Variants in PTPRD observed in about 807,000 individuals in gnomAD.
PTPRD encodes the protein receptor-type tyrosine-protein phosphatase delta.
Under a neutral mutation model 214.5 loss-of-function variants are expected in PTPRD, and 34 were observed. The ratio of observed to expected loss-of-function variants is 0.16; its 90% CI spans 0.12 to 0.21. PTPRD has a LOEUF of 0.21. Among genes scored for constraint, PTPRD ranks in the 10% least tolerant of loss-of-function variants. PTPRD has a pLI of 1.00. For synonymous variants in PTPRD, 1,128 were observed against 845.7 expected (o/e 1.33, Z -5.79); for missense variants, 2,545 against 2,398.7 (o/e 1.06, Z -1.27).
At chr9:9,415,260 G>C (rs574647242) in intron 8 of PTPRD, among the ~76,000 whole-genome samples, 41 of 152,200 alleles carry the variant, frequency 2.7e-4, no homozygotes, top group South Asian at 1.7e-3. Context: ...CAGATCTCGA[G>C]GCTAGGAGTT....
intron 2 of PTPRD, among the ~76,000 whole-genome samples, chr9:10,405,305 T>A (rs1430829169): frequency 6.6e-6 from 1 of 151,690 alleles, no homozygotes; most frequent in Non-Finnish European, 1.5e-5. Flanking sequence ...AACAAGTAAG[T>A]TTTTCGTTTA....
At chr9:10,484,260 G>C (rs2784618) in intron 2 of PTPRD, among the ~76,000 whole-genome samples, 44,320 of 151,890 alleles carry the variant, frequency 0.29, 7,732 homozygotes, top group African/African-American at 0.48. Context: ...CACGAGGTCA[G>C]ACAGAGTAGT....
chr9:9,001,333 C>T lies in PTPRD; in HGVS notation c.-104+17364G>A, dbSNP rs568213245. Among the ~76,000 whole-genome samples the T allele has an allele frequency of 7.9e-5, 12 of 152,086 alleles. No homozygotes were observed. The South Asian group carries it at 1.9e-3, about 24-fold the overall frequency. ...CATTTGTGAATTAAATATTACTTTT[C>T]GTCTTGTATGGATCAGGGAACCAAG... is the stretch of plus-strand genomic sequence containing the variant. On this transcript the variant is annotated intron_variant, in intron 11 of 45. Coordinates refer to ENST00000381196, the MANE Select transcript of PTPRD (RefSeq NM_002839.4).
In PTPRD at chr9:9,803,545, A is replaced by C. The variant is rs542399547; in HGVS notation, c.-367-36694T>G. Among the ~76,000 whole-genome samples, 40 of 152,092 alleles carry C rather than the reference A, an allele frequency of 2.6e-4. No homozygotes were observed. In the South Asian group the frequency reaches 7.9e-3, roughly 30 times the overall value. On this transcript the variant is annotated intron_variant, in intron 5 of 45. Transcript: ENST00000381196. ...ATGATGAGCATCCCAAATAGATAAAACTTCATGGCCAGCAGAGTTAGTACT... is the reference window on the plus strand; with the variant it reads ...ATGATGAGCATCCCAAATAGATAAACCTTCATGGCCAGCAGAGTTAGTACT...
chr9:10,388,248 G>A (rs1025871932), intron 2 of PTPRD, among the ~76,000 whole-genome samples: 1 of 151,770 alleles, frequency 6.6e-6, no homozygotes, highest in Admixed American at 6.6e-5. Context: ...GTGATTCAAA[G>A]ATATTAGCTT....
rs2094403181 is a variant in PTPRD at position 8,422,098 on chromosome 9, G to A, written c.4086+14494C>T. 2.4e-5 allele frequency among the ~76,000 whole-genome samples: 3 copies of A among 123,290 alleles called. No homozygotes were observed. The Admixed American group carries it at 3.1e-4, about 13-fold the overall frequency. 80.9% of individuals were successfully genotyped at this position (123,290 alleles called of 152,430 possible). A position where few individuals can be genotyped will look rare whatever the true frequency, so the allele number is the denominator to read the frequency against. On this transcript the variant is annotated intron_variant, in intron 35 of 45. Coordinates refer to ENST00000381196, the MANE Select transcript of PTPRD (RefSeq NM_002839.4). ...GGAGGCAGAGGCTGCCGTGAACCCT[G>A]ATGGTGCCACTGCACTTCAGCCTGG...
intron 11 of PTPRD, among the ~76,000 whole-genome samples, chr9:8,751,486 A>C (rs34596166): frequency 0.028 from 4,193 of 152,260 alleles, 78 homozygotes; most frequent in Non-Finnish European, 0.044. Flanking sequence ...GAACATTTTA[A>C]ACTCTGTAAT....
At chr9:10,429,684 C>G (rs921144341) in intron 2 of PTPRD, among the ~76,000 whole-genome samples, 2 of 148,816 alleles carry the variant, frequency 1.3e-5, no homozygotes, top group African/African-American at 5.0e-5. Flanking sequence ...TATATATGTT[C>G]ACATGGACAT....
chr9:8,396,643 C>T (rs931262708), intron 36 of PTPRD, among the ~76,000 whole-genome samples: 7 of 152,146 alleles, frequency 4.6e-5, no homozygotes, highest in Admixed American at 1.3e-4. Context: ...ACAACACAGC[C>T]AGCCAGCCCT....
chr9:8,339,084 G>A, intron 42 of PTPRD, 37 bp from the exon 43 acceptor site: 1 of 1,587,180 alleles, frequency 6.3e-7, no homozygotes. Context: ...ACTATGCAAA[G>A]TATAAAGAAC....
At chr9:10,223,391 G>A (rs1056910575) in intron 3 of PTPRD, among the ~76,000 whole-genome samples, 19 of 151,980 alleles carry the variant, frequency 1.3e-4, no homozygotes, top group African/African-American at 1.4e-4. Flanking sequence ...CCAGCAGGAC[G>A]TGGTGGCTCA....
At chr9:8,582,035 G>A (rs1412141762) in intron 14 of PTPRD, among the ~76,000 whole-genome samples, 1 of 150,186 alleles carries the variant, frequency 6.7e-6, no homozygotes. Flanking sequence ...TCAAAAATGA[G>A]AGGGCACTGA....
At chr9:8,673,673 G>A (rs775782610) in intron 12 of PTPRD, among the ~76,000 whole-genome samples, 5 of 151,566 alleles carry the variant, frequency 3.3e-5, no homozygotes, top group African/African-American at 9.7e-5. Flanking sequence ...TCTTGACCTC[G>A]TATATTTATT....
chr9:9,680,409 A>G (rs1462712871), intron 7 of PTPRD, among the ~76,000 whole-genome samples: 2 of 151,836 alleles, frequency 1.3e-5, no homozygotes, highest in Admixed American at 1.3e-4. Context: ...ATAAGAAAAC[A>G]TTTTCAAAAA....
chr9:8,821,683 G>A (rs1194655852), intron 11 of PTPRD, among the ~76,000 whole-genome samples: 3 of 152,066 alleles, frequency 2.0e-5, no homozygotes, highest in Non-Finnish European at 2.9e-5. Context: ...TTCAACTTCA[G>A]GAAACAGAGT....
At chr9:10,371,623 A>G (rs2097621511) in intron 2 of PTPRD, among the ~76,000 whole-genome samples, 1 of 151,930 alleles carries the variant, frequency 6.6e-6, no homozygotes, top group South Asian at 2.1e-4. Flanking sequence ...CCCTTAACCC[A>G]ACTCTCCCTC....
At chr9:9,406,676 G>A (rs2073523126) in intron 8 of PTPRD, among the ~76,000 whole-genome samples, 1 of 151,784 alleles carries the variant, frequency 6.6e-6, no homozygotes, top group Non-Finnish European at 1.5e-5. Context: ...AGAGCAGGGA[G>A]CAGGATTGAA....
chr9:9,070,183 C>A (rs2099741729), intron 10 of PTPRD, among the ~76,000 whole-genome samples: 1 of 152,112 alleles, frequency 6.6e-6, no homozygotes, highest in Non-Finnish European at 1.5e-5. Flanking sequence ...GTCTTGGTGT[C>A]ACTTGATTCT....
chr9:8,431,884 AAT>A (rs1808366644), intron 35 of PTPRD, among the ~76,000 whole-genome samples: 1 of 152,160 alleles, frequency 6.6e-6, no homozygotes. Flanking sequence ...TATTGTTTGT[AAT>A]AGTTTCAGAA....
Sources: gnomAD v4.1 joint callset for allele counts (sites outside exome capture counted in the v4.1 genomes callset) on GRCh38, gnomAD v4.1.1 for gene constraint, MANE v1.5 for transcripts, NCBI Gene and HGNC (gene_info 2026-07-23, HGNC 2026-07-21) for gene names.